The following IQGAP3 variants were observed in gnomAD, a reference collection of about 807,000 sequenced individuals.
IQGAP3 encodes the protein ras GTPase-activating-like protein IQGAP3.
In IQGAP3, 165 loss-of-function variants were observed where a neutral mutation model predicts 208.2. The ratio of observed to expected loss-of-function variants is 0.79; its 90% CI spans 0.70 to 0.90. The LOEUF (loss-of-function observed/expected upper bound fraction) is 0.90. IQGAP3 is among the 40% of genes least tolerant of loss of function. IQGAP3 has a pLI of 0.00. For synonymous variants in IQGAP3, 703 were observed against 803.6 expected (o/e 0.87, Z 2.12); for missense variants, 1,811 against 2,043.1 (o/e 0.89, Z 2.19).
Position 156,554,345 on chromosome 1 carries a change from A to G in IQGAP3, c.1338T>C (p.Ala446=), listed in dbSNP as rs746060829. Reference sequence around the variant, plus strand: ...CCAGGGCCCGGTTAATCAGGACCACAGCTGAGAGCATCTCCACAGCCACGA... The same window carrying G: ...CCAGGGCCCGGTTAATCAGGACCACGGCTGAGAGCATCTCCACAGCCACGA... The part of the protein sequence containing the change: ...ELFVAVEMLS[A]VVLINRALEA... The change falls in exon 13 of 38, where the codon GCT becomes GCC. Residue 446 remains alanine, a synonymous_variant. Transcript: ENST00000361170. 3 of 1,613,544 alleles carry G rather than the reference A, an allele frequency of 1.9e-6. No individual in the cohort carries two copies. In the South Asian group the frequency reaches 3.3e-5, roughly 18 times the overall value.
intron 36 of IQGAP3, 66 bp from the exon 37 acceptor site, chr1:156,528,126 C>A: frequency 8.3e-7 from 1 of 1,204,746 alleles, no homozygotes; most frequent in Non-Finnish European, 1.2e-6. Context: ...CACATTCTTG[C>A]ACCCACTGCT....
At chr1:156,562,861 C>T (rs1053458934) in intron 8 of IQGAP3, among the ~76,000 whole-genome samples, 196 bp from the exon 9 acceptor site, 3 of 152,218 alleles carry the variant, frequency 2.0e-5, no homozygotes, top group Non-Finnish European at 4.4e-5. Context: ...CCTTTGGAAC[C>T]TCCAGTCCAA....
chr1:156,568,506 A>G (rs1362662465), intron 2 of IQGAP3, among the ~76,000 whole-genome samples: 1 of 152,164 alleles, frequency 6.6e-6, no homozygotes, highest in African/African-American at 2.4e-5. Context: ...CGTGAGCCAC[A>G]GCGCCCATCC....
intron 22 of IQGAP3, among the ~76,000 whole-genome samples, chr1:156,542,542 G>A (rs1464020332): frequency 6.6e-6 from 1 of 152,188 alleles, no homozygotes; most frequent in Non-Finnish European, 1.5e-5. Context: ...ACAATTCATG[G>A]CATCTTGGAT....
At chr1:156,566,795 C>T (rs747978948) in intron 2 of IQGAP3, among the ~76,000 whole-genome samples, 6 of 150,812 alleles carry the variant, frequency 4.0e-5, no homozygotes, top group Admixed American at 6.6e-5. Context: ...CTTGACAGAT[C>T]CTGAACCTGC....
intron 11 of IQGAP3, among the ~76,000 whole-genome samples, chr1:156,559,907 C>T (rs1676067653): frequency 6.6e-6 from 1 of 152,166 alleles, no homozygotes; most frequent in African/African-American, 2.4e-5. Flanking sequence ...AAGATCAGAT[C>T]TGTGCTTCAG....
chr1:156,525,740 A>AAAAG lies in IQGAP3; in HGVS notation c.*745_*746insCTTT, dbSNP rs1674016470. ...ACTCTCTTTGAGCTCAAAAAAAAAA[A>AAAAG]AAAAAAAAAAAAAATGAAAGCGTTA... On this transcript the variant is annotated 3_prime_UTR_variant, in exon 38 of 38. Transcript: ENST00000361170. The AAAAG allele has an allele frequency of 6.6e-6, 1 of 151,520 alleles. No homozygotes were observed. The highest frequency in any genetic ancestry group is 1.5e-5 in the Non-Finnish European group (1 of 67,858). The allele number at this position is 151,520 out of a possible 1,614,324, so 9.4% of individuals were successfully genotyped here.
chr1:156,563,519 G>A (rs768479590), intron 7 of IQGAP3, 34 bp downstream of exon 7: 1 of 1,561,382 alleles, frequency 6.4e-7, no homozygotes, highest in South Asian at 1.1e-5. Flanking sequence ...TACGCATTGA[G>A]CCTACTCCTG....
rs985217708 is a variant in IQGAP3, at chr1:156,548,453, C to T, written c.2028G>A (p.Lys676=). The T allele has an allele frequency of 4.3e-6, 7 of 1,613,916 alleles. No individual in the cohort carries two copies. Among genetic ancestry groups the T allele is most frequent in the Admixed American group, 1.7e-5 (1 of 59,980 alleles). Residue 676 remains lysine (K), a synonymous_variant, in exon 18 of 38, where the codon AAG becomes AAA. Coordinates refer to ENST00000361170, the MANE Select transcript of IQGAP3 (RefSeq NM_178229.5). ...GATGGAAGTAGTAGGCAGTGCCATCCTTCATGTCATGTTGAACCCAGAAAG... is the reference window on the plus strand; with the variant it reads ...GATGGAAGTAGTAGGCAGTGCCATCTTTCATGTCATGTTGAACCCAGAAAG... The part of the protein sequence containing the change: ...DTAFWVQHDM[K]DGTAYYFHLQ...
chr1:156,527,974 TC>T lies in IQGAP3; in HGVS notation c.4759del (p.Glu1587SerfsTer21), dbSNP rs1441700499. On this transcript the variant is annotated frameshift_variant, in exon 37 of 38. Transcript: ENST00000361170. LOFTEE classifies it high-confidence loss of function. ...CACCTGATAGTGAAGCTGAAATCGC[TC>T]CATGTCCACACCCAGGAACTTGGCA... ...VNAKFLGVDM[E>X]RFQLHYQDLL... The T allele has an allele frequency of 6.2e-7, 1 of 1,613,288 alleles. No individual in the cohort carries two copies. Among genetic ancestry groups the T allele is most frequent in the Non-Finnish European group, 8.5e-7 (1 of 1,179,390 alleles).
chr1:156,531,593 C>T (rs1183090081), intron 32 of IQGAP3, among the ~76,000 whole-genome samples: 1 of 149,494 alleles, frequency 6.7e-6, no homozygotes, highest in Non-Finnish European at 1.5e-5. Flanking sequence ...AGATGATACT[C>T]AGCTCACTTG....
intron 19 of IQGAP3, among the ~76,000 whole-genome samples, chr1:156,547,364 C>A (rs976961315): frequency 1.4e-5 from 2 of 145,764 alleles, no homozygotes; most frequent in African/African-American, 5.2e-5. Context: ...ACTAAACACA[C>A]AGACACACAG....
chr1:156,530,065 C>G, intron 34 of IQGAP3, 40 bp downstream of exon 34: 1 of 1,482,630 alleles, frequency 6.7e-7, no homozygotes, highest in Non-Finnish European at 9.2e-7. Flanking sequence ...CACACACACA[C>G]GTACACACAG....
chr1:156,548,631 T>C lies in IQGAP3; in HGVS notation c.1943A>G (p.Asn648Ser), dbSNP rs755956829. 8 of 1,611,300 alleles carry C rather than the reference T, an allele frequency of 5.0e-6. No individual in the cohort carries two copies. The highest frequency in any genetic ancestry group is 1.7e-4 in the Middle Eastern group (1 of 6,054). Reference sequence around the variant, plus strand: ...ACTTTCCAGGGCTCGCTGGTAGCCGTTGGCACAGTCGGGAACTACCCCTCG... The same window carrying C: ...ACTTTCCAGGGCTCGCTGGTAGCCGCTGGCACAGTCGGGAACTACCCCTCG... ...ALRGVVPDCA[N>S]GYQRALESAM... The change falls in exon 17 of 38, where the codon AAC (asparagine) becomes AGC (serine). Residue 648 changes from asparagine (N) to serine (S), a missense_variant. Asn to Ser is a conservative substitution (Grantham distance 46, BLOSUM62 1). Transcript: ENST00000361170.
At position 156,566,542 on chromosome 1, in the gene IQGAP3, T is replaced by C. The variant is rs778596804; in HGVS notation, c.130A>G (p.Met44Val). 3.7e-6 allele frequency: 6 copies of C among 1,613,994 alleles called. No homozygotes were observed. Among genetic ancestry groups the C allele is most frequent in the Non-Finnish European group, 5.1e-6 (6 of 1,179,936 alleles). Reference protein sequence around the residue: ...LCRLEEAKRWMEACLKEELPS... With the variant: ...LCRLEEAKRWVEACLKEELPS... ...AGCTCCTCCTTCAGGCAGGCCTCCA[T>C]CCAGCTATGAACATGAGAACACCTT... Residue 44 changes from methionine (M) to valine (V), a missense_variant, in exon 3 of 38, where the codon ATG (methionine) becomes GTG (valine). Coordinates refer to ENST00000361170, the MANE Select transcript of IQGAP3 (RefSeq NM_178229.5).
intron 15 of IQGAP3, 93 bp downstream of exon 15, chr1:156,551,612 A>G: frequency 1.5e-6 from 2 of 1,317,658 alleles, no homozygotes; most frequent in South Asian, 1.5e-5. Flanking sequence ...CATTGTGTCC[A>G]TCAGAATAGA....
rs560861691 is a variant in IQGAP3 at position 156,566,219 on chromosome 1, C to A, written c.283-115G>T. 232 of 1,219,450 alleles carry A rather than the reference C, an allele frequency of 1.9e-4. 5 individuals are homozygous for A. In the South Asian group the frequency reaches 3.0e-3, roughly 16 times the overall value. The allele number at this position is 1,219,450 out of a possible 1,614,324, so 75.5% of individuals were successfully genotyped here. A position where few individuals can be genotyped will look rare whatever the true frequency, so the allele number is the denominator to read the frequency against. On this transcript the variant is annotated intron_variant, in intron 3 of 37. Coordinates refer to ENST00000361170, the MANE Select transcript of IQGAP3 (RefSeq NM_178229.5). ...AGATGGGCAGAGGGGAACCAGAGGA[C>A]CACATCCTGTGGATTTTCCATCCCT...
chr1:156,565,160 G>A (rs1464680023), intron 4 of IQGAP3, among the ~76,000 whole-genome samples: 4 of 152,150 alleles, frequency 2.6e-5, no homozygotes, highest in Non-Finnish European at 4.4e-5. Flanking sequence ...GACCACAAAA[G>A]TGTCAGGCTG....
intron 16 of IQGAP3, among the ~76,000 whole-genome samples, chr1:156,549,888 A>G (rs1404295243): frequency 6.6e-6 from 1 of 152,134 alleles, no homozygotes; most frequent in African/African-American, 2.4e-5. Flanking sequence ...TCTCATTCCA[A>G]GTCTAAACAT....
Sources: gnomAD v4.1 joint callset for allele counts (sites outside exome capture counted in the v4.1 genomes callset) on GRCh38, gnomAD v4.1.1 for gene constraint, MANE v1.5 for transcripts, NCBI Gene and HGNC (gene_info 2026-07-23, HGNC 2026-07-21) for gene names.